DPY19L3: variants seen among roughly 807,000 people sequenced by gnomAD.
The protein encoded by DPY19L3 is dpy-19 like C-mannosyltransferase 3, also known as protein C-mannosyl-transferase DPY19L3.
DPY19L3 carries 51 observed loss-of-function variants against 92.3 expected under a neutral mutation model. The observed-to-expected ratio is 0.55, with a 90% CI of 0.44 to 0.70. The LOEUF (loss-of-function observed/expected upper bound fraction) is 0.70, where lower values mean the gene tolerates loss of function less well. Among genes scored for constraint, DPY19L3 ranks in the 30% least tolerant of loss-of-function variants. The pLI, the probability that DPY19L3 is intolerant of heterozygous loss-of-function variation, is 0.00. For synonymous variants in DPY19L3, 309 were observed against 315.2 expected (o/e 0.98, Z 0.21); for missense variants, 706 against 855.9 (o/e 0.82, Z 2.18).
intron 8 of DPY19L3, among the ~76,000 whole-genome samples, chr19:32,443,926 T>C (rs1969403051): frequency 6.6e-6 from 1 of 151,744 alleles, no homozygotes; most frequent in Non-Finnish European, 1.5e-5. Context: ...TGTGGTGGCA[T>C]GTGCCTGTAA....
At chr19:32,464,631 A>G in intron 14 of DPY19L3, 97 bp from the exon 15 acceptor site, 1 of 703,880 alleles carries the variant, frequency 1.4e-6, no homozygotes, top group Non-Finnish European at 2.3e-6. Context: ...GAGCCCAAGA[A>G]TTCCAGGCCA....
At chr19:32,409,099 A>T (rs1726132735) in intron 2 of DPY19L3, among the ~76,000 whole-genome samples, 1 of 152,240 alleles carries the variant, frequency 6.6e-6, no homozygotes, top group African/African-American at 2.4e-5. Flanking sequence ...CTGTAATGGG[A>T]GGTCATGACA....
intron 3 of DPY19L3, among the ~76,000 whole-genome samples, chr19:32,427,571 A>C (rs573673126): frequency 3.3e-5 from 5 of 152,208 alleles, no homozygotes; most frequent in African/African-American, 1.2e-4. Flanking sequence ...AATCCACACA[A>C]TAGTAGTACG....
At chr19:32,408,151 A>G (rs969823044) in intron 1 of DPY19L3, 66 bp from the exon 2 acceptor site, 3 of 782,702 alleles carry the variant, frequency 3.8e-6, no homozygotes, top group Admixed American at 2.4e-5. Context: ...GCATTTCAGC[A>G]TGGATGAGCA....
intron 3 of DPY19L3, among the ~76,000 whole-genome samples, chr19:32,417,244 G>C (rs919428062): frequency 1.3e-5 from 2 of 152,198 alleles, no homozygotes; most frequent in Admixed American, 1.3e-4. Flanking sequence ...GGACCCAGTG[G>C]GAGGTAATTG....
chr19:32,420,629 T>C (rs1355333790), intron 3 of DPY19L3, among the ~76,000 whole-genome samples: 1 of 152,060 alleles, frequency 6.6e-6, no homozygotes, highest in African/African-American at 2.4e-5. Context: ...TTTGTATTTT[T>C]AGTAGAGACG....
At chr19:32,465,530 T>G (rs1046370566) in intron 15 of DPY19L3, among the ~76,000 whole-genome samples, 1 of 152,208 alleles carries the variant, frequency 6.6e-6, no homozygotes, top group Admixed American at 6.5e-5. Context: ...AATTTTACTT[T>G]AAGTTAAAAC....
chr19:32,408,409 T>TTGC lies in DPY19L3; in HGVS notation c.103+53_103+54insTGC, dbSNP rs1968058523. The TTGC allele has an allele frequency of 3.7e-6, 5 of 1,344,826 alleles. No homozygotes were observed. In the Admixed American group the frequency reaches 5.5e-5, roughly 15 times the overall value. 83.3% of individuals were successfully genotyped at this position (1,344,826 alleles called of 1,614,324 possible). ...TTGGGTTGCTTTTATTTCTGCATATTAAAATGTCACTCTCCAATAGGATAA... is the reference window on the plus strand; with the variant it reads ...TTGGGTTGCTTTTATTTCTGCATATTTGCAAAATGTCACTCTCCAATAGGATAA... On this transcript the variant is annotated intron_variant, in intron 2 of 18. Transcript: ENST00000392250.
In DPY19L3 at chr19:32,436,532, T is replaced by C; in HGVS notation, c.415T>C (p.Phe139Leu). Residue 139 changes from phenylalanine to leucine, a missense_variant, in exon 5 of 19, where the codon TTT becomes CTT. Transcript: ENST00000392250. ...LQRMNIYQEV[F>L]LSILYRVLPI... ...GCGAATGAATATTTACCAAGAGGTT[T>C]TTCTCAGTATTTTATATAGAGTTCT... is the stretch of plus-strand genomic sequence containing the variant. 1.3e-6 allele frequency: 2 copies of C among 1,576,722 alleles called. No individual in the cohort carries two copies. Among genetic ancestry groups the C allele is most frequent in the Non-Finnish European group, 1.7e-6 (2 of 1,155,750 alleles).
At chr19:32,455,174 G>C in intron 10 of DPY19L3, 134 bp downstream of exon 10, 1 of 594,750 alleles carries the variant, frequency 1.7e-6, no homozygotes. Context: ...TTCCTAGGCT[G>C]GCCTTGAACA....
At chr19:32,436,685 A>G (rs1351087719) in intron 5 of DPY19L3, 118 bp downstream of exon 5, 3 of 936,890 alleles carry the variant, frequency 3.2e-6, no homozygotes, top group Admixed American at 2.9e-5. Context: ...AAAATCAGCA[A>G]TACTATATTT....
At chr19:32,418,085 A>T (rs1287643967) in intron 3 of DPY19L3, among the ~76,000 whole-genome samples, 1 of 152,164 alleles carries the variant, frequency 6.6e-6, no homozygotes, top group Non-Finnish European at 1.5e-5. Context: ...GTAAAATGAG[A>T]AAGGAAAGAG....
intron 2 of DPY19L3, among the ~76,000 whole-genome samples, chr19:32,409,887 T>G (rs957225287): frequency 6.6e-6 from 1 of 152,134 alleles, no homozygotes; most frequent in Non-Finnish European, 1.5e-5. Flanking sequence ...CCTCCAACAT[T>G]GGGAATCACA....
intron 1 of DPY19L3, among the ~76,000 whole-genome samples, chr19:32,407,658 T>C (rs1379753468): frequency 6.6e-6 from 1 of 152,212 alleles, no homozygotes; most frequent in South Asian, 2.1e-4. Context: ...GTGGCTCGTT[T>C]GTGTTGCTTA....
chr19:32,479,686 C>A, intron 17 of DPY19L3: 1 of 372,518 alleles, frequency 2.7e-6, no homozygotes, highest in Non-Finnish European at 5.3e-6. Context: ...CCTCACACAG[C>A]CTGTTTCCAT....
intron 16 of DPY19L3, among the ~76,000 whole-genome samples, chr19:32,470,487 GAATT>G (rs1239141576): frequency 6.6e-6 from 1 of 152,082 alleles, no homozygotes; most frequent in African/African-American, 2.4e-5. Context: ...AGTCTTTCAG[GAATT>G]AATTATAAAG....
chr19:32,447,777 AT>A (rs770530702), intron 8 of DPY19L3, among the ~76,000 whole-genome samples: 1 of 143,160 alleles, frequency 7.0e-6, no homozygotes, highest in African/African-American at 2.6e-5. Context: ...AGATAGATAG[AT>A]TAGATAAGAT....
chr19:32,423,442 G>T (rs1337121900), intron 3 of DPY19L3, among the ~76,000 whole-genome samples: 6 of 76,768 alleles, frequency 7.8e-5, no homozygotes, highest in South Asian at 4.2e-4. Context: ...TAGAGACAGG[G>T]TTTTGCCATG....
intron 12 of DPY19L3, among the ~76,000 whole-genome samples, chr19:32,460,274 G>A (rs1324101793): frequency 6.6e-6 from 1 of 152,050 alleles, no homozygotes; most frequent in Non-Finnish European, 1.5e-5. Context: ...AGCCAGGCAC[G>A]ATGGTGCAAA....
Sources: gnomAD v4.1 joint callset for allele counts (sites outside exome capture counted in the v4.1 genomes callset) on GRCh38, gnomAD v4.1.1 for gene constraint, MANE v1.5 for transcripts, NCBI Gene and HGNC (gene_info 2026-07-23, HGNC 2026-07-21) for gene names.